The following ESR2 variants were observed in gnomAD, a reference collection of about 807,000 sequenced individuals.
The protein encoded by ESR2 is estrogen receptor beta.
ESR2 carries 36 observed loss-of-function variants against 49.6 expected under a neutral mutation model. That is an observed-to-expected ratio of 0.73 (90% CI 0.56 to 0.96). ESR2 has a LOEUF of 0.96. Ranked by LOEUF, ESR2 falls within the 40% of genes least tolerant of loss-of-function variation. The probability of loss-of-function intolerance (pLI) is 0.00; values close to 1 mark genes in which losing one functional copy is unlikely to be tolerated. For missense variants in ESR2, 714 were observed against 693.0 expected (o/e 1.03, Z -0.34); for synonymous variants, 320 against 266.1 (o/e 1.20, Z -1.97).
intron 1 of ESR2, among the ~76,000 whole-genome samples, chr14:64,307,379 T>C (rs1288767084): frequency 6.7e-6 from 1 of 150,014 alleles, no homozygotes; most frequent in Non-Finnish European, 1.5e-5. Flanking sequence ...GCCCAGCTAA[T>C]TTTTTTTGTA....
chr14:64,284,965 T>A (rs2076759941), intron 1 of ESR2, among the ~76,000 whole-genome samples: 1 of 151,768 alleles, frequency 6.6e-6, no homozygotes, highest in Admixed American at 6.6e-5. Flanking sequence ...TTCTTCTGCC[T>A]CAGCATCCCG....
upstream of ESR2, chr14:64,298,295 A>C (rs916954785): frequency 1.3e-5 from 2 of 152,234 alleles, no homozygotes; most frequent in African/African-American, 4.8e-5. Flanking sequence ...TCTATTTTAC[A>C]GATGGGAAAA....
intron 1 of ESR2, among the ~76,000 whole-genome samples, chr14:64,302,200 A>ATTTATTTATTTT (rs1330632331): frequency 3.4e-5 from 5 of 146,788 alleles, no homozygotes; most frequent in East Asian, 2.0e-4. Flanking sequence ...TTATTTATTT[A>ATTTATTTATTTT]TTTTTTGAGA....
chr14:64,323,839 G>A (rs1026894038), intron 1 of ESR2, among the ~76,000 whole-genome samples: 1 of 151,924 alleles, frequency 6.6e-6, no homozygotes, highest in African/African-American at 2.4e-5. Context: ...TTACAAATGT[G>A]AGCCACTACA....
At chr14:64,250,697 G>A (rs929134897) in intron 6 of ESR2, among the ~76,000 whole-genome samples, 4 of 152,178 alleles carry the variant, frequency 2.6e-5, no homozygotes, top group Admixed American at 2.6e-4. Context: ...TCTTCAAAGA[G>A]CTGGCTGCTC....
At chr14:64,305,247 T>C (rs1476141675) in intron 1 of ESR2, among the ~76,000 whole-genome samples, 5 of 136,630 alleles carry the variant, frequency 3.7e-5, no homozygotes, top group South Asian at 2.3e-4. Flanking sequence ...GCCGAGATCG[T>C]GCCACTGCAC....
intron 2 of ESR2, among the ~76,000 whole-genome samples, chr14:64,282,200 C>T (rs1444432852): frequency 6.6e-6 from 1 of 152,122 alleles, no homozygotes; most frequent in Non-Finnish European, 1.5e-5. Context: ...AAAAAATGAG[C>T]TGGGCGTGGT....
In ESR2 at chr14:64,303,081, T is replaced by A. The variant is rs570224521; in HGVS notation, c.-90-20006A>T. Among the ~76,000 whole-genome samples, 11 of 152,218 alleles carry A rather than the reference T, an allele frequency of 7.2e-5. No individual in the cohort carries two copies. In the East Asian group the frequency reaches 1.9e-3, roughly 27 times the overall value. On this transcript the variant is annotated intron_variant, in intron 1 of 8. Coordinates refer to the ESR2 transcript ENST00000358599. The stretch of plus-strand genomic sequence containing the variant: ...TCCCAAATTGCTGGGATTACAGGCA[T>A]GAGCCACCGCGCCCAGCCAAGAGAG...
chr14:64,233,477 C>A, intron 8 of ESR2, 154 bp from the exon 9 acceptor site: 1 of 670,000 alleles, frequency 1.5e-6, no homozygotes, highest in South Asian at 2.0e-5. Context: ...GCATCCAGCT[C>A]CCCCTGATAA....
intron 7 of ESR2, among the ~76,000 whole-genome samples, chr14:64,238,186 A>AC (rs1388575181): frequency 1.3e-5 from 2 of 152,120 alleles, no homozygotes; most frequent in African/African-American, 4.8e-5. Flanking sequence ...TGTGTTACCC[A>AC]CTTCACGAAC....
chr14:64,295,118 C>T (rs1218889951), upstream of ESR2, among the ~76,000 whole-genome samples: 1 of 152,232 alleles, frequency 6.6e-6, no homozygotes, highest in African/African-American at 2.4e-5. Flanking sequence ...ACTAGGACCA[C>T]AGTCTTAACT....
At chr14:64,269,364 T>TA (rs1596425037) in intron 3 of ESR2, among the ~76,000 whole-genome samples, 1 of 152,168 alleles carries the variant, frequency 6.6e-6, no homozygotes, top group African/African-American at 2.4e-5. Flanking sequence ...AAGGAACAAA[T>TA]AAAGAAATTA....
chr14:64,309,902 C>T (rs952876399), intron 1 of ESR2, among the ~76,000 whole-genome samples: 1 of 151,862 alleles, frequency 6.6e-6, no homozygotes, highest in Non-Finnish European at 1.5e-5. Flanking sequence ...CTGGCTAACA[C>T]GGCAAAACGC....
At chr14:64,332,917 G>A (rs1304034629) in intron 1 of ESR2, among the ~76,000 whole-genome samples, 1 of 147,708 alleles carries the variant, frequency 6.8e-6, no homozygotes, top group African/African-American at 2.5e-5. Flanking sequence ...TGTCGCCCAG[G>A]CTGGAGGGTA....
In ESR2 at chr14:64,282,647, TA is replaced by T; in HGVS notation, c.338del (p.Leu113GlnfsTer7). 1 of 1,607,836 alleles carries T rather than the reference TA, an allele frequency of 6.2e-7. No homozygotes were observed. Among genetic ancestry groups the T allele is most frequent in the Non-Finnish European group, 8.5e-7 (1 of 1,174,618 alleles). On this transcript the variant is annotated frameshift_variant, in exon 2 of 9. Coordinates refer to ENST00000341099, the MANE Select transcript of ESR2 (RefSeq NM_001437.3). LOFTEE classifies it high-confidence loss of function. The part of the protein sequence containing the change: ...QKSPWCEARS[L>X]EHTLPVNRET... ...ACCTGTTTACAGGTAAGGTGTGTTCTAGCGATCTTGCTTCACACCAGGGACT... is the reference window on the plus strand; with the variant it reads ...ACCTGTTTACAGGTAAGGTGTGTTCTGCGATCTTGCTTCACACCAGGGACT...
chr14:64,254,365 T>C (rs1359516778), intron 6 of ESR2, among the ~76,000 whole-genome samples: 2 of 152,158 alleles, frequency 1.3e-5, no homozygotes, highest in African/African-American at 4.8e-5. Context: ...TACATAAAAG[T>C]ATATTCATTT....
chr14:64,307,224 T>C (rs1465999995), intron 1 of ESR2, among the ~76,000 whole-genome samples: 1 of 152,072 alleles, frequency 6.6e-6, no homozygotes, highest in African/African-American at 2.4e-5. Flanking sequence ...TTTATTTATT[T>C]ATTTTAAGAC....
At position 64,235,121 on chromosome 14, in the gene ESR2, C is replaced by G; in HGVS notation, c.1255G>C (p.Asp419His). ...SMYPLVTATQDADSSRKLAHL... is the reference protein window; with the variant it reads ...SMYPLVTATQHADSSRKLAHL... The stretch of plus-strand genomic sequence containing the variant: ...GCCAGCTTCCGGCTGCTGTCAGCAT[C>G]CTGGGTCGCTGTGACCAGAGGGTAC... Residue 419 changes from aspartate (D) to histidine (H), a missense_variant, in exon 8 of 9, where the codon GAT becomes CAT. Coordinates refer to ENST00000341099, the MANE Select transcript of ESR2 (RefSeq NM_001437.3). 1.2e-6 allele frequency: 2 copies of G among 1,614,026 alleles called. No homozygotes were observed. Among genetic ancestry groups the G allele is most frequent in the South Asian group, 2.2e-5 (2 of 91,086 alleles).
upstream of ESR2, among the ~76,000 whole-genome samples, chr14:64,296,102 A>C (rs950521466): frequency 1.3e-5 from 2 of 152,000 alleles, no homozygotes; most frequent in Admixed American, 1.3e-4. Flanking sequence ...TGTTAACAAG[A>C]TATCTCTGGA....
Sources: allele counts gnomAD v4.1 joint callset (sites outside exome capture counted in the v4.1 genomes callset), GRCh38; gene constraint gnomAD v4.1.1; transcripts MANE v1.5; gene names NCBI Gene and HGNC (gene_info 2026-07-23, HGNC 2026-07-21).